SYNDIG1L: variants seen among roughly 807,000 people sequenced by gnomAD.
SYNDIG1L encodes the protein synapse differentiation-inducing gene protein 1-like.
A neutral mutation model predicts 20.1 loss-of-function variants in SYNDIG1L; 13 were observed. The observed-to-expected ratio is 0.65, with a 90% confidence interval of 0.42 to 1.03. SYNDIG1L has a LOEUF of 1.03. SYNDIG1L is among the 50% of genes least tolerant of loss of function. The probability of loss-of-function intolerance (pLI) is 0.00; values close to 1 mark genes in which losing one functional copy is unlikely to be tolerated. For synonymous variants in SYNDIG1L, 128 were observed against 129.3 expected (o/e 0.99, Z 0.07); for missense variants, 294 against 305.1 (o/e 0.96, Z 0.27).
At chr14:74,408,015 C>T in intron 2 of SYNDIG1L, 26 bp from the exon 3 acceptor site, 5 of 1,591,464 alleles carry the variant, frequency 3.1e-6, no homozygotes, top group Non-Finnish European at 3.4e-6. Context: ...GTTTGGTGAC[C>T]AGGCCCAGGA....
chr14:74,466,111 T>C, the SYNDIG1L span, among the ~76,000 whole-genome samples: 63 of 152,290 alleles, frequency 4.1e-4, no homozygotes, highest in Non-Finnish European at 7.9e-4. Flanking sequence ...GCCAGGTCTG[T>C]GCGCTGCTGA....
At chr14:74,414,952 A>T (rs1392466082) in intron 1 of SYNDIG1L, among the ~76,000 whole-genome samples, 1 of 152,186 alleles carries the variant, frequency 6.6e-6, no homozygotes, top group Admixed American at 6.5e-5. Context: ...TCCCAGAGGA[A>T]AGAGAAACAC....
upstream of SYNDIG1L, among the ~76,000 whole-genome samples, chr14:74,427,839 C>T (rs992023787): frequency 3.3e-5 from 5 of 152,218 alleles, no homozygotes; most frequent in Non-Finnish European, 7.3e-5. Flanking sequence ...CCTCCTGTAC[C>T]TTTGCTTTCT....
the SYNDIG1L span, among the ~76,000 whole-genome samples, chr14:74,440,633 C>T: frequency 6.6e-6 from 1 of 151,578 alleles, no homozygotes; most frequent in Non-Finnish European, 1.5e-5. Context: ...TGCAGTAAGC[C>T]GAGATCACGC....
chr14:74,429,273 G>A (rs1390342985), upstream of SYNDIG1L, among the ~76,000 whole-genome samples: 1 of 152,160 alleles, frequency 6.6e-6, no homozygotes, highest in African/African-American at 2.4e-5. Context: ...ACCTGGGAGG[G>A]GATGCCCTCG....
the SYNDIG1L span, among the ~76,000 whole-genome samples, chr14:74,431,305 G>A: frequency 1.3e-5 from 2 of 152,270 alleles, no homozygotes; most frequent in African/African-American, 4.8e-5. Context: ...CTTGGAAAGT[G>A]AGCCTTTCTC....
upstream of SYNDIG1L, among the ~76,000 whole-genome samples, chr14:74,427,438 A>G (rs931657452): frequency 1.3e-5 from 2 of 152,050 alleles, no homozygotes; most frequent in African/African-American, 4.8e-5. Flanking sequence ...CTCCCACAGG[A>G]TGTGGGCATC....
the SYNDIG1L span, among the ~76,000 whole-genome samples, chr14:74,433,762 A>G: frequency 6.6e-6 from 1 of 152,192 alleles, no homozygotes; most frequent in Admixed American, 6.5e-5. Context: ...ACTGGGACAT[A>G]TAATTTACCC....
the SYNDIG1L span, among the ~76,000 whole-genome samples, chr14:74,461,102 T>A: frequency 6.6e-6 from 1 of 151,030 alleles, no homozygotes; most frequent in East Asian, 2.0e-4. Context: ...TGGAGAAAAG[T>A]CACACAGCTG....
At chr14:74,458,111 G>A in the SYNDIG1L span, among the ~76,000 whole-genome samples, 1 of 152,058 alleles carries the variant, frequency 6.6e-6, no homozygotes, top group Non-Finnish European at 1.5e-5. Flanking sequence ...AACAATTTCT[G>A]AGAGAAACTT....
chr14:74,462,838 AT>A, the SYNDIG1L span, among the ~76,000 whole-genome samples: 1 of 152,038 alleles, frequency 6.6e-6, no homozygotes, highest in Admixed American at 6.5e-5. Context: ...GACTTATGAT[AT>A]TTTCCACTTA....
At chr14:74,460,327 AATGTCATCATCATCTGGGATG>A in the SYNDIG1L span, among the ~76,000 whole-genome samples, 343 of 151,570 alleles carry the variant, frequency 2.3e-3, 1 homozygote, top group African/African-American at 8.1e-3. Flanking sequence ...TGCAAACTTA[AATGTCATCATCATCTGGGATG>A]ATGTCACATC....
At chr14:74,442,682 A>G in the SYNDIG1L span, among the ~76,000 whole-genome samples, 1 of 152,234 alleles carries the variant, frequency 6.6e-6, no homozygotes, top group Non-Finnish European at 1.5e-5. Flanking sequence ...GAGTTTAGGC[A>G]CAATGGCTAG....
At chr14:74,452,994 G>A in the SYNDIG1L span, among the ~76,000 whole-genome samples, 2 of 152,154 alleles carry the variant, frequency 1.3e-5, no homozygotes, top group Non-Finnish European at 2.9e-5. Context: ...TGTACATACA[G>A]TATTACTCCA....
chr14:74,430,685 T>G (rs1217123388), upstream of SYNDIG1L, among the ~76,000 whole-genome samples: 1 of 152,206 alleles, frequency 6.6e-6, no homozygotes, highest in African/African-American at 2.4e-5. Context: ...TCCACCCGCC[T>G]TGGCCTCCCA....
the SYNDIG1L span, among the ~76,000 whole-genome samples, chr14:74,431,745 C>T: frequency 6.6e-6 from 1 of 152,082 alleles, no homozygotes; most frequent in Non-Finnish European, 1.5e-5. Flanking sequence ...GAGGAAATAA[C>T]TTCAAAATGT....
At chr14:74,431,410 A>C in the SYNDIG1L span, among the ~76,000 whole-genome samples, 2 of 152,182 alleles carry the variant, frequency 1.3e-5, no homozygotes, top group East Asian at 3.8e-4. Context: ...CTAAGAAAAC[A>C]TCCTTGGGGA....
At chr14:74,432,889 C>T in the SYNDIG1L span, among the ~76,000 whole-genome samples, 72,314 of 151,546 alleles carry the variant, frequency 0.48, 17,326 homozygotes, top group South Asian at 0.54. Flanking sequence ...GATGGATGGA[C>T]GGTAGACTTT....
At position 74,409,451 on chromosome 14, in the gene SYNDIG1L, C is replaced by T. The variant is rs761129257; in HGVS notation, c.294G>A (p.Gln98=). 30 of 1,613,788 alleles carry T rather than the reference C, an allele frequency of 1.9e-5. No homozygotes were observed. The highest frequency in any genetic ancestry group is 2.5e-5 in the Non-Finnish European group (30 of 1,179,870). ...CTGTGGGCTGCTCTGGAGGCCCCTC[C>T]TGGGGCTCCCTGTCCTCTGTGAAGC... The part of the protein sequence containing the change: ...ETSFTEDREP[Q]EGPPEQPTGP... Residue 98 remains glutamine (Q), a synonymous_variant, in exon 2 of 4, where the codon CAG becomes CAA. Transcript: ENST00000331628.
Sources: allele counts gnomAD v4.1 joint callset (sites outside exome capture counted in the v4.1 genomes callset), GRCh38; gene constraint gnomAD v4.1.1; transcripts MANE v1.5; gene names NCBI Gene and HGNC (gene_info 2026-07-23, HGNC 2026-07-21).